Variants in CAB39 observed in about 807,000 individuals in gnomAD.
The protein encoded by CAB39 is calcium-binding protein 39.
CAB39 carries 8 observed loss-of-function variants against 40.0 expected under a neutral mutation model. The ratio of observed to expected loss-of-function variants is 0.20; its 90% confidence interval spans 0.12 to 0.36. The LOEUF (loss-of-function observed/expected upper bound fraction) is 0.36, where lower values mean the gene tolerates loss of function less well. Ranked by LOEUF, CAB39 falls within the 10% of genes least tolerant of loss-of-function variation. The probability of loss-of-function intolerance (pLI) is 1.00; values close to 1 mark genes in which losing one functional copy is unlikely to be tolerated. For missense variants in CAB39, 270 were observed against 401.1 expected (o/e 0.67, Z 2.79); for synonymous variants, 156 against 141.6 (o/e 1.10, Z -0.72).
intron 1 of CAB39, among the ~76,000 whole-genome samples, chr2:230,715,273 TAG>T (rs1694328445): frequency 6.6e-6 from 1 of 152,362 alleles, no homozygotes; most frequent in Non-Finnish European, 1.5e-5. Flanking sequence ...ATGCAGTAGT[TAG>T]GCTTAATAAC....
At chr2:230,724,409 C>T (rs1030626062) in intron 1 of CAB39, among the ~76,000 whole-genome samples, 1 of 150,682 alleles carries the variant, frequency 6.6e-6, no homozygotes, top group Non-Finnish European at 1.5e-5. Context: ...GGGCCGGGCA[C>T]GGTGGCTCGC....
intron 4 of CAB39, among the ~76,000 whole-genome samples, chr2:230,795,285 A>C (rs1695964751): frequency 6.6e-6 from 1 of 151,874 alleles, no homozygotes. Context: ...CCAAAAAAAA[A>C]AAAAAGTTCC....
Position 230,818,224 on chromosome 2 carries a change from G to A in CAB39, c.838-292G>A. On this transcript the variant is annotated intron_variant, in intron 8 of 8. Transcript: ENST00000258418. ...AAAATCCCATCTGACCTCTTGTGCT[G>A]AGAAATAATTTCTGCCCATTTTATT... 4.5e-6 allele frequency: 2 copies of A among 442,758 alleles called. 1 individual carries two copies. The highest frequency in any genetic ancestry group is 7.9e-6 in the Non-Finnish European group (2 of 252,326). 27.4% of individuals were successfully genotyped at this position (442,758 alleles called of 1,614,324 possible). A position where few individuals can be genotyped will look rare whatever the true frequency, so the allele number is the denominator to read the frequency against.
At chr2:230,810,210 CT>C (rs1470943947) in intron 5 of CAB39, 52 bp from the exon 6 acceptor site, 9 of 824,330 alleles carry the variant, frequency 1.1e-5, no homozygotes, top group East Asian at 2.7e-5. Flanking sequence ...TTAGGATTCG[CT>C]TTTTTGAAAA....
In CAB39 at chr2:230,739,920, A is replaced by G. The variant is rs541160817; in HGVS notation, c.-43-20039A>G. Among the ~76,000 whole-genome samples, 228 of 152,364 alleles carry G rather than the reference A, an allele frequency of 1.5e-3. 1 individual carries two copies. Among genetic ancestry groups the G allele is most frequent in the African/African-American group, 5.2e-3 (218 of 41,596 alleles). The stretch of plus-strand genomic sequence containing the variant: ...TATTCAGATTGATTTTAAATCTTCT[A>G]CTAACTGCAAGTTCGATCTTATCAG... On this transcript the variant is annotated intron_variant, in intron 1 of 8. Transcript: ENST00000258418.
intron 1 of CAB39, among the ~76,000 whole-genome samples, chr2:230,744,132 T>A (rs1346382436): frequency 6.6e-5 from 10 of 152,142 alleles, no homozygotes; most frequent in African/African-American, 2.4e-4. Flanking sequence ...TTGGCCAGGC[T>A]GCTCTGGAAC....
At chr2:230,736,140 A>G (rs1214455141) in intron 1 of CAB39, among the ~76,000 whole-genome samples, 2 of 152,048 alleles carry the variant, frequency 1.3e-5, no homozygotes, top group Admixed American at 1.3e-4. Flanking sequence ...GCTTTACCAC[A>G]TTTTCTCTGT....
intron 5 of CAB39, among the ~76,000 whole-genome samples, chr2:230,802,127 C>G (rs1334273464): frequency 3.3e-5 from 5 of 152,136 alleles, no homozygotes; most frequent in African/African-American, 1.2e-4. Context: ...AACCACACAA[C>G]TACATGGAAA....
chr2:230,746,121 CTTGAT>C (rs1375635867), intron 1 of CAB39, among the ~76,000 whole-genome samples: 2 of 151,980 alleles, frequency 1.3e-5, no homozygotes, highest in African/African-American at 4.8e-5. Context: ...TTTTGTAATA[CTTGAT>C]TTATGTGTAA....
rs184615184 is a variant in CAB39 at position 230,721,396 on chromosome 2, G to A, written c.-44+8166G>A. ...CAGTGAGCCAAGATAGTGCCACTGC[G>A]CTCCAGCCTGGGCAACAGAGGGAAA... On this transcript the variant is annotated intron_variant, in intron 1 of 8. Transcript: ENST00000258418. Among the ~76,000 whole-genome samples, 167 of 152,212 alleles carry A rather than the reference G, an allele frequency of 1.1e-3. 1 individual carries two copies. The highest frequency in any genetic ancestry group is 3.5e-3 in the African/African-American group (146 of 41,548).
chr2:230,726,387 G>C (rs1694572439), intron 1 of CAB39, among the ~76,000 whole-genome samples: 1 of 151,914 alleles, frequency 6.6e-6, no homozygotes, highest in African/African-American at 2.4e-5. Context: ...GGCCAGGCTG[G>C]TCTTGAACTC....
At chr2:230,814,324 A>ATT (rs2124984809) in intron 7 of CAB39, among the ~76,000 whole-genome samples, 1 of 152,212 alleles carries the variant, frequency 6.6e-6, no homozygotes, top group Non-Finnish European at 1.5e-5. Flanking sequence ...GAGACACAGA[A>ATT]AGGGAATGAA....
intron 1 of CAB39, among the ~76,000 whole-genome samples, chr2:230,714,803 A>G (rs1198902028): frequency 6.6e-6 from 1 of 152,236 alleles, no homozygotes; most frequent in African/African-American, 2.4e-5. Flanking sequence ...TCAAATTGTT[A>G]GGAAGTAATT....
intron 1 of CAB39, among the ~76,000 whole-genome samples, chr2:230,753,743 C>CAAAAAAAA (rs60868418): frequency 1.2e-5 from 1 of 85,522 alleles, no homozygotes; most frequent in Non-Finnish European, 2.5e-5. Flanking sequence ...GACTCCATCT[C>CAAAAAAAA]AAAAAAAAAA....
intron 2 of CAB39, among the ~76,000 whole-genome samples, chr2:230,787,865 T>G (rs1489508470): frequency 6.6e-6 from 1 of 152,220 alleles, no homozygotes; most frequent in Non-Finnish European, 1.5e-5. Flanking sequence ...AAATATTGCC[T>G]GATCTGCAGT....
chr2:230,730,220 C>T (rs142505333), intron 1 of CAB39, among the ~76,000 whole-genome samples: 1,701 of 152,238 alleles, frequency 0.011, 40 homozygotes, highest in African/African-American at 0.039. Context: ...AGTGATCTTT[C>T]ACCTCAGCCT....
In CAB39 at chr2:230,721,520, A is replaced by G. The variant is rs554741459; in HGVS notation, c.-44+8290A>G. 3.9e-5 allele frequency among the ~76,000 whole-genome samples: 6 copies of G among 152,346 alleles called. No homozygotes were observed. In the East Asian group the frequency reaches 7.7e-4, roughly 20 times the overall value. On this transcript the variant is annotated intron_variant, in intron 1 of 8. Transcript: ENST00000258418. ...TTCTGTTTATCTTTTTATCTCAGCT[A>G]TATTTGTGCTTATTTGAAAGTGATT...
intron 5 of CAB39, 96 bp from the exon 6 acceptor site, chr2:230,810,164 TAAC>T (rs1696279293): frequency 1.7e-6 from 1 of 600,616 alleles, no homozygotes; most frequent in South Asian, 2.0e-5. Flanking sequence ...TGGTGATTTT[TAAC>T]AACAGTTTTT....
chr2:230,724,337 ATAGCACAGGTATGTTT>A (rs1211978258), intron 1 of CAB39, among the ~76,000 whole-genome samples: 87 of 152,186 alleles, frequency 5.7e-4, no homozygotes, highest in Non-Finnish European at 5.3e-4. Flanking sequence ...AATTGCTAAC[ATAGCACAGGTATGTTT>A]TAGCACAGGT....
Sources: gnomAD v4.1 joint callset for allele counts (sites outside exome capture counted in the v4.1 genomes callset) on GRCh38, gnomAD v4.1.1 for gene constraint, MANE v1.5 for transcripts, NCBI Gene and HGNC (gene_info 2026-07-23, HGNC 2026-07-21) for gene names.